POR: variants seen among roughly 807,000 people sequenced by gnomAD.
POR encodes the protein cytochrome p450 oxidoreductase.
In POR, 56 loss-of-function variants were observed where a neutral mutation model predicts 84.0. That is an observed-to-expected ratio of 0.67 (90% CI 0.54 to 0.83). The LOEUF is 0.83. POR is among the 40% of genes least tolerant of loss of function. POR has a pLI of 0.00. For synonymous variants in POR, 414 were observed against 400.5 expected (o/e 1.03, Z -0.40); for missense variants, 938 against 944.3 (o/e 0.99, Z 0.09).
intron 1 of POR, among the ~76,000 whole-genome samples, chr7:75,945,009 C>T (rs541289286): frequency 1.3e-5 from 2 of 152,136 alleles, no homozygotes; most frequent in South Asian, 2.1e-4. Flanking sequence ...TAATGGCGGC[C>T]GGGCACGGTG....
At chr7:75,961,312 G>A (rs1173617964) in intron 2 of POR, among the ~76,000 whole-genome samples, 2 of 148,512 alleles carry the variant, frequency 1.3e-5, no homozygotes, top group Non-Finnish European at 3.0e-5. Flanking sequence ...GGTCATACTG[G>A]ACCCACAGTG....
intron 1 of POR, 47 bp from the exon 2 acceptor site, chr7:75,953,941 GC>G (rs1787564614): frequency 6.9e-7 from 1 of 1,455,036 alleles, no homozygotes; most frequent in Non-Finnish European, 9.3e-7. Flanking sequence ...AGCCTCAGGG[GC>G]ACCCTGCTAC....
In POR at chr7:75,986,486, C is replaced by G. The variant is rs1585136989; in HGVS notation, c.*5C>G. The G allele has an allele frequency of 1.2e-6, 2 of 1,606,658 alleles. No individual in the cohort carries two copies. The highest frequency in any genetic ancestry group is 8.5e-7 in the Non-Finnish European group (1 of 1,179,164). ...TCCCTGGACGTGTGGAGCTAGGGGC[C>G]TGCCTGCCCCACCCACCCCACAGAC... On this transcript the variant is annotated 3_prime_UTR_variant, in exon 16 of 16. Coordinates refer to ENST00000461988, the MANE Select transcript of POR (RefSeq NM_000941.3).
rs1403638902 is a variant in POR at position 75,954,177 on chromosome 7, C to G, written c.185C>G (p.Thr62Arg). Residue 62 changes from threonine to arginine, a missense_variant, in exon 2 of 16, where the codon ACA (threonine) becomes AGA (arginine). By Grantham distance (71) the Thr-to-Arg change is moderately conservative. Transcript: ENST00000461988. ...GTCCCCGAGTTCACCAAAATTCAGA[C>G]ATTGTAAGTGCCGCCTCTCAGCCTC... 6.2e-7 allele frequency: 1 copy of G among 1,607,060 alleles called. No homozygotes were observed. Among genetic ancestry groups the G allele is most frequent in the Non-Finnish European group, 8.5e-7 (1 of 1,176,256 alleles).
At chr7:75,946,602 A>G (rs1787184807) in intron 1 of POR, among the ~76,000 whole-genome samples, 1 of 152,078 alleles carries the variant, frequency 6.6e-6, no homozygotes, top group Non-Finnish European at 1.5e-5. Flanking sequence ...ACCTAATTTT[A>G]CAGATGAGAA....
chr7:75,925,035 G>A (rs1807049501), intron 1 of POR, among the ~76,000 whole-genome samples: 1 of 152,158 alleles, frequency 6.6e-6, no homozygotes, highest in Non-Finnish European at 1.5e-5. Flanking sequence ...AGGGGGAACT[G>A]AAAGCTGAGA....
At chr7:75,953,609 T>C (rs1554553245) in intron 1 of POR, among the ~76,000 whole-genome samples, 1 of 152,128 alleles carries the variant, frequency 6.6e-6, no homozygotes, top group African/African-American at 2.4e-5. Flanking sequence ...AATGGTCCAC[T>C]CTTGCGTGCA....
chr7:75,918,936 A>G (rs1008520165), intron 1 of POR, among the ~76,000 whole-genome samples: 2 of 151,482 alleles, frequency 1.3e-5, no homozygotes, highest in Non-Finnish European at 2.9e-5. Flanking sequence ...CCTAGGAACC[A>G]TGGGAAGAGA....
In POR at chr7:75,972,441, G is replaced by C. The variant is rs1554556320; in HGVS notation, c.217G>C (p.Val73Leu). The C allele has an allele frequency of 6.2e-7, 1 of 1,609,568 alleles. No individual in the cohort carries two copies. The highest frequency in any genetic ancestry group is 1.3e-5 in the African/African-American group (1 of 75,014). ...CTCCTCTGTCAGAGAGAGCAGCTTTGTGGAAAAGATGAAGAAAACGGTGAG... is the reference window on the plus strand; with the variant it reads ...CTCCTCTGTCAGAGAGAGCAGCTTTCTGGAAAAGATGAAGAAAACGGTGAG... The change falls in exon 3 of 16, where the codon GTG becomes CTG. Residue 73 changes from valine to leucine, a missense_variant. Physicochemically the swap from Val to Leu is conservative, Grantham distance 32. Coordinates refer to ENST00000461988, the MANE Select transcript of POR (RefSeq NM_000941.3).
At chr7:75,981,386 G>A (rs1789032264) in intron 6 of POR, 131 bp from the exon 7 acceptor site, 1 of 1,209,824 alleles carries the variant, frequency 8.3e-7, no homozygotes, top group African/African-American at 1.5e-5. Flanking sequence ...CTGGGTTTAT[G>A]TCGCTGGGTG....
intron 2 of POR, chr7:75,968,043 T>C: frequency 2.2e-6 from 1 of 454,964 alleles, no homozygotes; most frequent in South Asian, 1.6e-5. Flanking sequence ...GCTGTGACCC[T>C]CCTTTTTCCT....
intron 4 of POR, chr7:75,979,844 C>A (rs72554001): frequency 6.6e-6 from 3 of 451,318 alleles, no homozygotes; most frequent in South Asian, 5.1e-5. Context: ...TCCTGGCGGC[C>A]GCCACATCTC....
intron 2 of POR, among the ~76,000 whole-genome samples, chr7:75,964,769 A>AAT (rs1466366545): frequency 5.3e-5 from 8 of 152,168 alleles, no homozygotes; most frequent in Non-Finnish European, 1.0e-4. Flanking sequence ...TTACACCTGT[A>AAT]ATACCAGCTA....
At position 75,952,394 on chromosome 7, in the gene POR, G is replaced by A. The variant is rs1159705303; in HGVS notation, c.-4-1595G>A. Among the ~76,000 whole-genome samples, 236 of 141,790 alleles carry A rather than the reference G, an allele frequency of 1.7e-3. 4 individuals are homozygous for A. The highest frequency in any genetic ancestry group is 5.8e-3 in the Admixed American group (85 of 14,718). The allele number at this position is 141,790 out of a possible 152,430, so 93.0% of individuals were successfully genotyped here. On this transcript the variant is annotated intron_variant, in intron 1 of 15. Transcript: ENST00000461988. ...AGGCGCCCCTCACCTCCCGGACGGG[G>A]CAGCTGGCCGGGCGGGGGGCTGACC...
At chr7:75,937,742 A>G (rs1406110945) in intron 1 of POR, among the ~76,000 whole-genome samples, 1 of 152,058 alleles carries the variant, frequency 6.6e-6, no homozygotes, top group African/African-American at 2.4e-5. Flanking sequence ...AGATCGTGCC[A>G]TTGCACTCCA....
chr7:75,963,957 T>C (rs899203571), intron 2 of POR, among the ~76,000 whole-genome samples: 2 of 151,966 alleles, frequency 1.3e-5, no homozygotes, highest in South Asian at 2.1e-4. Flanking sequence ...ATGACAAAAA[T>C]TATATATATT....
intron 1 of POR, among the ~76,000 whole-genome samples, chr7:75,952,732 G>A (rs1306046474): frequency 6.6e-6 from 1 of 151,928 alleles, no homozygotes; most frequent in Non-Finnish European, 1.5e-5. Flanking sequence ...TGGGCGGCCA[G>A]GCAGAGACGC....
chr7:75,986,310 C>T (rs782615924), intron 15 of POR, 27 bp from the exon 16 acceptor site: 87 of 1,612,648 alleles, frequency 5.4e-5, no homozygotes, highest in Non-Finnish European at 7.0e-5. Flanking sequence ...GTTGGCCCAG[C>T]CCCCAGCACC....
chr7:75,963,863 G>A (rs933504189), intron 2 of POR, among the ~76,000 whole-genome samples: 10 of 152,236 alleles, frequency 6.6e-5, no homozygotes, highest in African/African-American at 2.4e-4. Flanking sequence ...GTCATGGAGG[G>A]AGCTGACACA....
Sources: allele counts gnomAD v4.1 joint callset (sites outside exome capture counted in the v4.1 genomes callset), GRCh38; gene constraint gnomAD v4.1.1; transcripts MANE v1.5; gene names NCBI Gene and HGNC (gene_info 2026-07-23, HGNC 2026-07-21).